Variants in TMEM117 observed in about 807,000 individuals in gnomAD.
TMEM117 encodes the protein transmembrane protein 117.
In TMEM117, 27 loss-of-function variants were observed where a neutral mutation model predicts 52.4. The observed-to-expected ratio is 0.51, with a 90% CI of 0.38 to 0.71. TMEM117 has a LOEUF of 0.71. Ranked by LOEUF, TMEM117 falls within the 30% of genes least tolerant of loss-of-function variation. TMEM117 has a pLI of 0.00. For missense variants in TMEM117, 556 were observed against 630.5 expected (o/e 0.88, Z 1.26); for synonymous variants, 215 against 206.3 (o/e 1.04, Z -0.36).
chr12:44,291,111 T>C (rs1333798366), intron 5 of TMEM117, among the ~76,000 whole-genome samples: 4 of 152,222 alleles, frequency 2.6e-5, no homozygotes, highest in African/African-American at 9.7e-5. Flanking sequence ...GTATTAATTA[T>C]TCCCATCTCT....
At chr12:44,372,695 CAT>C (rs1260965319) in intron 6 of TMEM117, among the ~76,000 whole-genome samples, 1 of 151,808 alleles carries the variant, frequency 6.6e-6, no homozygotes, top group Non-Finnish European at 1.5e-5. Context: ...AATTAGAAAA[CAT>C]AGAGCAGGTA....
chr12:44,176,015 T>C (rs1014842857), intron 4 of TMEM117, among the ~76,000 whole-genome samples: 1 of 152,108 alleles, frequency 6.6e-6, no homozygotes, highest in Admixed American at 6.6e-5. Context: ...AAGTTTGTAA[T>C]GGAAGAAAAA....
At chr12:43,892,067 G>T (rs1414371412) in intron 2 of TMEM117, among the ~76,000 whole-genome samples, 2 of 152,090 alleles carry the variant, frequency 1.3e-5, no homozygotes, top group East Asian at 3.9e-4. Context: ...GGTATCAGGA[G>T]GTCAAGACTA....
chr12:44,214,177 C>T (rs1286240151), intron 5 of TMEM117, among the ~76,000 whole-genome samples: 1 of 120,500 alleles, frequency 8.3e-6, no homozygotes, highest in Non-Finnish European at 1.7e-5. Flanking sequence ...GACAGAATCT[C>T]ACTCTGTAGC....
At chr12:43,799,335 A>T in the TMEM117 span, 1 of 1,058,700 alleles carries the variant, frequency 9.4e-7, no homozygotes, top group Non-Finnish European at 1.4e-6. Context: ...CACATCTATT[A>T]ATTAAAAATA....
At chr12:44,010,096 C>A in intron 3 of TMEM117, 3 of 475,140 alleles carry the variant, frequency 6.3e-6, no homozygotes, top group Non-Finnish European at 1.3e-5. Context: ...ACATAGCCCC[C>A]ATCTGGGGGT....
At chr12:44,008,050 A>T (rs1946229423) in intron 3 of TMEM117, among the ~76,000 whole-genome samples, 1 of 152,204 alleles carries the variant, frequency 6.6e-6, no homozygotes, top group African/African-American at 2.4e-5. Context: ...GTATGGCACC[A>T]GTTTGAAAGC....
chr12:43,891,923 C>A (rs1009888840), intron 2 of TMEM117, among the ~76,000 whole-genome samples: 1 of 152,068 alleles, frequency 6.6e-6, no homozygotes, highest in African/African-American at 2.4e-5. Flanking sequence ...TAAAAAAATC[C>A]ATTTTTTTTG....
intron 4 of TMEM117, among the ~76,000 whole-genome samples, chr12:44,192,375 A>G (rs981871531): frequency 2.6e-5 from 4 of 152,172 alleles, no homozygotes; most frequent in Non-Finnish European, 5.9e-5. Context: ...TCCAAATGCT[A>G]GTATAAGCGA....
In TMEM117 at chr12:44,214,138, ATTTTTTTTTT is replaced by A. The variant is rs773352634; in HGVS notation, c.608+2768_608+2777del. Among the ~76,000 whole-genome samples the A allele has an allele frequency of 2.0e-4, 20 of 99,284 alleles. No homozygotes were observed. In the East Asian group the frequency reaches 5.1e-3, roughly 25 times the overall value. The allele number at this position is 99,284 out of a possible 152,430, so 65.1% of individuals were successfully genotyped here. A position where few individuals can be genotyped will look rare whatever the true frequency, so the allele number is the denominator to read the frequency against. On this transcript the variant is annotated intron_variant, in intron 5 of 7. Coordinates refer to ENST00000266534, the MANE Select transcript of TMEM117 (RefSeq NM_032256.3). Reference sequence around the variant, plus strand: ...CAATGTCTTACAAATTTTTTTTTTAATTTTTTTTTTTTTTTTTTTTTTTTTTAAGACAGAA... The same window carrying A: ...CAATGTCTTACAAATTTTTTTTTTAATTTTTTTTTTTTTTTTAAGACAGAA...
At chr12:43,851,703 G>T (rs1019002486) in intron 2 of TMEM117, among the ~76,000 whole-genome samples, 2 of 152,180 alleles carry the variant, frequency 1.3e-5, no homozygotes, top group African/African-American at 2.4e-5. Flanking sequence ...CCACGGAAAA[G>T]GCAGAATCAA....
intron 6 of TMEM117, among the ~76,000 whole-genome samples, chr12:44,365,547 G>A (rs1327807158): frequency 1.3e-5 from 2 of 151,918 alleles, no homozygotes; most frequent in African/African-American, 4.8e-5. Context: ...TGCAGCATTG[G>A]ACAAGCTATT....
At chr12:44,326,568 T>A (rs1951198706) in intron 6 of TMEM117, among the ~76,000 whole-genome samples, 1 of 152,214 alleles carries the variant, frequency 6.6e-6, no homozygotes. Context: ...GAAAAGAGAA[T>A]GTAGCTATTC....
intron 3 of TMEM117, among the ~76,000 whole-genome samples, chr12:44,081,530 C>A (rs190879813): frequency 1.3e-5 from 2 of 152,232 alleles, no homozygotes; most frequent in Admixed American, 1.3e-4. Flanking sequence ...TCCGTTTATA[C>A]ATTTAAAAAC....
intron 4 of TMEM117, among the ~76,000 whole-genome samples, chr12:44,193,193 G>T (rs188192532): frequency 6.6e-6 from 1 of 152,044 alleles, no homozygotes; most frequent in South Asian, 2.1e-4. Context: ...CTAAAATGAG[G>T]GTGAGAGAAA....
intron 5 of TMEM117, among the ~76,000 whole-genome samples, chr12:44,231,222 C>A (rs1239445935): frequency 1.3e-5 from 2 of 151,826 alleles, no homozygotes; most frequent in African/African-American, 4.8e-5. Context: ...TCAATTCTTC[C>A]TCTTTTTGAA....
At chr12:44,063,301 A>C (rs1947168556) in intron 3 of TMEM117, among the ~76,000 whole-genome samples, 1 of 152,166 alleles carries the variant, frequency 6.6e-6, no homozygotes, top group East Asian at 1.9e-4. Flanking sequence ...CCTCATTGAC[A>C]GTTTGTATTC....
intron 6 of TMEM117, among the ~76,000 whole-genome samples, chr12:44,322,090 C>T (rs1402851702): frequency 1.3e-5 from 2 of 152,086 alleles, no homozygotes; most frequent in East Asian, 1.9e-4. Context: ...GTAACAAGGG[C>T]GTAATTTCAT....
intron 3 of TMEM117, among the ~76,000 whole-genome samples, chr12:43,969,369 A>AAAAAAAAAAAAAAAAAAC (rs1945541004): frequency 6.8e-6 from 1 of 146,842 alleles, no homozygotes; most frequent in Non-Finnish European, 1.5e-5. Flanking sequence ...AAAAAAAAAA[A>AAAAAAAAAAAAAAAAAAC]AAAATTAGCC....
Sources: gnomAD v4.1 joint callset for allele counts (sites outside exome capture counted in the v4.1 genomes callset) on GRCh38, gnomAD v4.1.1 for gene constraint, MANE v1.5 for transcripts, NCBI Gene and HGNC (gene_info 2026-07-23, HGNC 2026-07-21) for gene names.